RALYL: variants seen among roughly 807,000 people sequenced by gnomAD.
RALYL encodes the protein RNA-binding Raly-like protein.
Under a neutral mutation model 35.1 loss-of-function variants are expected in RALYL, and 29 were observed. That is an observed-to-expected ratio of 0.83 (90% CI 0.61 to 1.13). The LOEUF is 1.13. RALYL is among the 50% of genes most tolerant of loss of function. The pLI is 0.00. For synonymous variants in RALYL, 120 were observed against 127.6 expected (o/e 0.94, Z 0.40); for missense variants, 359 against 360.4 (o/e 1.00, Z 0.03).
chr8:84,827,236 A>AAACTT (rs1274171056), intron 4 of RALYL, among the ~76,000 whole-genome samples: 7 of 152,162 alleles, frequency 4.6e-5, no homozygotes, highest in African/African-American at 1.4e-4. Flanking sequence ...CACAAAGAGA[A>AAACTT]AACTTAGAGG....
intron 1 of RALYL, among the ~76,000 whole-genome samples, chr8:84,514,817 G>A (rs1233251379): frequency 6.6e-6 from 1 of 150,680 alleles, no homozygotes; most frequent in Non-Finnish European, 1.5e-5. Context: ...GTAGGTGTGG[G>A]CCACCCCAGT....
chr8:84,391,044 G>A (rs983480136), intron 1 of RALYL, among the ~76,000 whole-genome samples: 1 of 152,140 alleles, frequency 6.6e-6, no homozygotes, highest in East Asian at 1.9e-4. Context: ...GCAAGCCTGA[G>A]GTGAGAATTG....
intron 2 of RALYL, among the ~76,000 whole-genome samples, chr8:84,660,384 ATGT>A (rs1285665869): frequency 2.0e-5 from 3 of 151,948 alleles, no homozygotes; most frequent in African/African-American, 7.2e-5. Flanking sequence ...TACCTTCTAA[ATGT>A]TGTTAATTTC....
intron 1 of RALYL, among the ~76,000 whole-genome samples, chr8:84,241,842 T>G (rs190694107): frequency 2.0e-4 from 31 of 152,006 alleles, no homozygotes; most frequent in Admixed American, 2.0e-3. Flanking sequence ...ACACTTTTTG[T>G]TTTTTTTCTT....
chr8:84,690,441 G>A (rs753022073), intron 2 of RALYL, among the ~76,000 whole-genome samples: 1 of 152,092 alleles, frequency 6.6e-6, no homozygotes, highest in South Asian at 2.1e-4. Context: ...GGATGAATAA[G>A]TTTGGGAGAC....
intron 3 of RALYL, among the ~76,000 whole-genome samples, chr8:84,794,903 T>C (rs1337757818): frequency 6.6e-6 from 1 of 152,216 alleles, no homozygotes; most frequent in East Asian, 1.9e-4. Context: ...GCAGCCTTAA[T>C]TTCCAATGTG....
chr8:84,697,462 C>T (rs1839368551), intron 2 of RALYL, among the ~76,000 whole-genome samples: 1 of 151,800 alleles, frequency 6.6e-6, no homozygotes, highest in Non-Finnish European at 1.5e-5. Context: ...GATTATTTTC[C>T]CCGAAGAACA....
intron 2 of RALYL, among the ~76,000 whole-genome samples, chr8:84,591,001 T>C (rs3109781): frequency 0.067 from 10,220 of 152,270 alleles, 443 homozygotes; most frequent in East Asian, 0.14. Context: ...ATAAGATAAG[T>C]AACTGCATTG....
At chr8:84,684,800 T>G (rs1197436520) in intron 2 of RALYL, among the ~76,000 whole-genome samples, 1 of 152,050 alleles carries the variant, frequency 6.6e-6, no homozygotes, top group Non-Finnish European at 1.5e-5. Flanking sequence ...CAGGGTACAG[T>G]TTGTATTTAT....
chr8:84,595,771 T>G (rs974561947), intron 2 of RALYL, among the ~76,000 whole-genome samples: 3 of 145,142 alleles, frequency 2.1e-5, no homozygotes, highest in Non-Finnish European at 4.4e-5. Flanking sequence ...AAGTTTTTTT[T>G]TTTTTTTTTT....
At chr8:84,337,056 T>C (rs1586402121) in intron 1 of RALYL, among the ~76,000 whole-genome samples, 2 of 150,678 alleles carry the variant, frequency 1.3e-5, no homozygotes, top group Admixed American at 1.3e-4. Flanking sequence ...TCTCATAGAA[T>C]TAGTATAACA....
At chr8:84,859,838 C>T (rs1290575944) in intron 5 of RALYL, among the ~76,000 whole-genome samples, 2 of 152,024 alleles carry the variant, frequency 1.3e-5, no homozygotes, top group Non-Finnish European at 2.9e-5. Flanking sequence ...GAGTGACACT[C>T]TGTCTCAAAA....
chr8:84,883,280 C>A (rs531563770), intron 7 of RALYL, among the ~76,000 whole-genome samples: 1 of 152,032 alleles, frequency 6.6e-6, no homozygotes, highest in East Asian at 1.9e-4. Flanking sequence ...TCGTCAGAAT[C>A]ACATGTATAT....
intron 1 of RALYL, among the ~76,000 whole-genome samples, chr8:84,209,171 G>A (rs377141325): frequency 1.0e-4 from 15 of 146,730 alleles, no homozygotes; most frequent in African/African-American, 2.0e-4. Flanking sequence ...CTATGCATGC[G>A]AGATATTACA....
intron 1 of RALYL, among the ~76,000 whole-genome samples, chr8:84,290,307 C>T (rs569617920): frequency 2.6e-5 from 4 of 152,204 alleles, no homozygotes; most frequent in Non-Finnish European, 5.9e-5. Flanking sequence ...TGTTTTCATG[C>T]GCGTCTGTGT....
At chr8:84,362,999 A>G (rs1172410975) in intron 1 of RALYL, among the ~76,000 whole-genome samples, 1 of 152,098 alleles carries the variant, frequency 6.6e-6, no homozygotes, top group African/African-American at 2.4e-5. Flanking sequence ...ACACACACAC[A>G]CATACACACA....
intron 1 of RALYL, among the ~76,000 whole-genome samples, chr8:84,461,055 T>C (rs538422180): frequency 6.6e-6 from 1 of 151,690 alleles, no homozygotes. Context: ...TGAATATATC[T>C]TAGTGCATAT....
intron 2 of RALYL, among the ~76,000 whole-genome samples, chr8:84,755,436 G>A (rs1254308109): frequency 6.6e-6 from 1 of 152,078 alleles, no homozygotes; most frequent in African/African-American, 2.4e-5. Context: ...AGTCCCTTTT[G>A]TTCATATTTG....
At chr8:84,353,312 T>C (rs1851252926) in intron 1 of RALYL, among the ~76,000 whole-genome samples, 2 of 150,204 alleles carry the variant, frequency 1.3e-5, no homozygotes, top group Admixed American at 6.6e-5. Flanking sequence ...TGTACTGTCT[T>C]GGTGATATCT....
Sources: gnomAD v4.1 joint callset for allele counts (sites outside exome capture counted in the v4.1 genomes callset) on GRCh38, gnomAD v4.1.1 for gene constraint, MANE v1.5 for transcripts, NCBI Gene and HGNC (gene_info 2026-07-23, HGNC 2026-07-21) for gene names.